ADGRB3: variants seen among roughly 807,000 people sequenced by gnomAD.
ADGRB3 encodes the protein brain-specific angiogenesis inhibitor 3.
Under a neutral mutation model 193.4 loss-of-function variants are expected in ADGRB3, and 37 were observed. That is an observed-to-expected ratio of 0.19 (90% CI 0.15 to 0.25). The LOEUF is 0.25. Ranked by LOEUF, ADGRB3 falls within the 10% of genes least tolerant of loss-of-function variation. The pLI is 1.00. For missense variants in ADGRB3, 1,637 were observed against 1,852.9 expected (o/e 0.88, Z 2.14); for synonymous variants, 690 against 644.2 (o/e 1.07, Z -1.08).
intron 17 of ADGRB3, among the ~76,000 whole-genome samples, chr6:69,163,823 G>A (rs188078029): frequency 3.3e-5 from 5 of 152,220 alleles, no homozygotes; most frequent in Admixed American, 2.0e-4. Flanking sequence ...CTGATTCTTT[G>A]TATAATTGAT....
chr6:69,082,704 C>A (rs904589453), intron 17 of ADGRB3, among the ~76,000 whole-genome samples: 1 of 151,866 alleles, frequency 6.6e-6, no homozygotes, highest in African/African-American at 2.4e-5. Context: ...ATGTATTAAG[C>A]ATAGTTATTT....
chr6:69,287,674 C>T (rs1301225584), intron 20 of ADGRB3, among the ~76,000 whole-genome samples: 1 of 152,118 alleles, frequency 6.6e-6, no homozygotes, highest in Non-Finnish European at 1.5e-5. Context: ...AGATTTAAAC[C>T]CAGGTGCCTG....
intron 10 of ADGRB3, among the ~76,000 whole-genome samples, chr6:68,990,910 A>T (rs964631343): frequency 6.6e-6 from 1 of 152,182 alleles, no homozygotes; most frequent in African/African-American, 2.4e-5. Flanking sequence ...TTGCATTGCC[A>T]GCACAAAACT....
intron 17 of ADGRB3, among the ~76,000 whole-genome samples, chr6:69,192,823 A>G (rs1765221618): frequency 6.6e-6 from 1 of 152,190 alleles, no homozygotes. Flanking sequence ...GGAATACAAC[A>G]GTGAACAAGA....
intron 3 of ADGRB3, among the ~76,000 whole-genome samples, chr6:68,866,639 C>G (rs1452986591): frequency 6.6e-6 from 1 of 152,094 alleles, no homozygotes; most frequent in Non-Finnish European, 1.5e-5. Context: ...TTTGGAATTT[C>G]CTAGAGACTT....
intron 3 of ADGRB3, among the ~76,000 whole-genome samples, chr6:68,808,776 G>T (rs1188662712): frequency 6.6e-6 from 1 of 151,990 alleles, no homozygotes; most frequent in Non-Finnish European, 1.5e-5. Flanking sequence ...GTGGGAGAAA[G>T]AAAAATAAAG....
chr6:69,336,186 AG>A (rs1768843583), intron 24 of ADGRB3, among the ~76,000 whole-genome samples: 1 of 152,032 alleles, frequency 6.6e-6, no homozygotes, highest in African/African-American at 2.4e-5. Flanking sequence ...TTTACCAAGA[AG>A]GAATTTATTG....
chr6:68,740,215 GTGT>G (rs1418847991), intron 3 of ADGRB3, among the ~76,000 whole-genome samples: 4 of 152,132 alleles, frequency 2.6e-5, no homozygotes, highest in African/African-American at 9.7e-5. Flanking sequence ...AAATTGCATA[GTGT>G]TGTGTGTCTG....
At chr6:68,785,816 C>A (rs1316508599) in intron 3 of ADGRB3, among the ~76,000 whole-genome samples, 3 of 152,070 alleles carry the variant, frequency 2.0e-5, no homozygotes, top group Admixed American at 2.0e-4. Context: ...TCTCCAGCAC[C>A]TGTTGTTTCC....
At chr6:68,906,068 C>T (rs984670445) in intron 3 of ADGRB3, among the ~76,000 whole-genome samples, 14 of 151,474 alleles carry the variant, frequency 9.2e-5, no homozygotes, top group Admixed American at 2.6e-4. Context: ...AAATAAATAC[C>T]ACAAGTTTCT....
intron 17 of ADGRB3, among the ~76,000 whole-genome samples, chr6:69,105,470 T>A (rs1049908572): frequency 2.0e-5 from 3 of 152,140 alleles, no homozygotes; most frequent in Non-Finnish European, 4.4e-5. Context: ...TCTCCTACTG[T>A]CAGTGTGAGT....
chr6:69,267,220 T>C (rs1663950682), intron 20 of ADGRB3, among the ~76,000 whole-genome samples: 1 of 152,132 alleles, frequency 6.6e-6, no homozygotes, highest in Non-Finnish European at 1.5e-5. Context: ...AAAGCATCAC[T>C]GGTCAATCTT....
intron 3 of ADGRB3, among the ~76,000 whole-genome samples, chr6:68,663,026 TG>T (rs1376490068): frequency 6.6e-6 from 1 of 151,284 alleles, no homozygotes; most frequent in African/African-American, 2.4e-5. Context: ...CTTTCAACAA[TG>T]TTATATGGAA....
At chr6:69,096,520 A>G (rs1211291711) in intron 17 of ADGRB3, among the ~76,000 whole-genome samples, 1 of 152,104 alleles carries the variant, frequency 6.6e-6, no homozygotes, top group Non-Finnish European at 1.5e-5. Context: ...TTCCCTGAAT[A>G]TTAGCTCCCC....
At chr6:69,312,904 T>C (rs1768225878) in intron 20 of ADGRB3, among the ~76,000 whole-genome samples, 1 of 151,814 alleles carries the variant, frequency 6.6e-6, no homozygotes, top group South Asian at 2.1e-4. Context: ...GTTGAGAATA[T>C]GTATGAATTG....
At chr6:69,315,675 C>T (rs1254663457) in intron 20 of ADGRB3, among the ~76,000 whole-genome samples, 1 of 151,198 alleles carries the variant, frequency 6.6e-6, no homozygotes, top group East Asian at 2.0e-4. Context: ...AAGCAGTTAC[C>T]GGTGTGTCCA....
intron 3 of ADGRB3, among the ~76,000 whole-genome samples, chr6:68,884,377 G>T (rs1765841282): frequency 6.6e-6 from 1 of 152,160 alleles, no homozygotes; most frequent in Non-Finnish European, 1.5e-5. Context: ...ATCATGGAGG[G>T]TGTCAGGAGA....
intron 17 of ADGRB3, among the ~76,000 whole-genome samples, chr6:69,179,478 A>C (rs1775523497): frequency 6.6e-6 from 1 of 152,104 alleles, no homozygotes; most frequent in Non-Finnish European, 1.5e-5. Flanking sequence ...TTAATCTGTC[A>C]TTTGAATTTT....
intron 4 of ADGRB3, among the ~76,000 whole-genome samples, chr6:68,932,999 A>T (rs1042342725): frequency 6.6e-6 from 1 of 150,700 alleles, no homozygotes; most frequent in African/African-American, 2.4e-5. Flanking sequence ...AAAAAGAGTA[A>T]CATTTGATAA....
Sources: gnomAD v4.1 joint callset for allele counts (sites outside exome capture counted in the v4.1 genomes callset) on GRCh38, gnomAD v4.1.1 for gene constraint, MANE v1.5 for transcripts, NCBI Gene and HGNC (gene_info 2026-07-23, HGNC 2026-07-21) for gene names.